Variants in MITF observed in about 807,000 individuals in gnomAD.
MITF encodes the protein melanocyte inducing transcription factor, also known as microphthalmia-associated transcription factor.
In MITF, 17 loss-of-function variants were observed where a neutral mutation model predicts 60.5. The observed-to-expected ratio is 0.28, with a 90% CI of 0.19 to 0.42. The LOEUF (loss-of-function observed/expected upper bound fraction) is 0.42, where lower values mean the gene tolerates loss of function less well. Among genes scored for constraint, MITF ranks in the 10% least tolerant of loss-of-function variants. The probability of loss-of-function intolerance (pLI) is 1.00; values close to 1 mark genes in which losing one functional copy is unlikely to be tolerated. For synonymous variants in MITF, 260 were observed against 248.5 expected (o/e 1.05, Z -0.43); for missense variants, 622 against 683.5 (o/e 0.91, Z 1.00).
At chr3:69,778,703 T>C (rs182706562) in intron 1 of MITF, 1 of 152,340 alleles carries the variant, frequency 6.6e-6, no homozygotes, top group Non-Finnish European at 1.5e-5. Context: ...TTTGACTATA[T>C]TTTTCTTAGA....
At chr3:69,944,707 A>C (rs1316043406) in intron 5 of MITF, among the ~76,000 whole-genome samples, 2 of 152,006 alleles carry the variant, frequency 1.3e-5, no homozygotes, top group Non-Finnish European at 2.9e-5. Flanking sequence ...TAAAATGGGG[A>C]TCATAATAGC....
At chr3:69,911,409 C>G (rs1401049357) in intron 2 of MITF, among the ~76,000 whole-genome samples, 3 of 152,166 alleles carry the variant, frequency 2.0e-5, no homozygotes, top group African/African-American at 7.2e-5. Context: ...CTCAAGCAAT[C>G]CTCCTGCCTC....
At chr3:69,902,343 C>G (rs28545381) in intron 2 of MITF, among the ~76,000 whole-genome samples, 2,483 of 152,156 alleles carry the variant, frequency 0.016, 69 homozygotes, top group African/African-American at 0.055. Context: ...ATACTTGAAG[C>G]TTGCTTTGAA....
At chr3:69,746,759 G>C (rs1703741731) in intron 1 of MITF, among the ~76,000 whole-genome samples, 1 of 152,158 alleles carries the variant, frequency 6.6e-6, no homozygotes, top group Non-Finnish European at 1.5e-5. Context: ...TCCGAGGATA[G>C]GAATTATACC....
In MITF at chr3:69,739,619, G is replaced by C; in HGVS notation, c.22G>C (p.Val8Leu). 6.3e-7 allele frequency: 1 copy of C among 1,580,308 alleles called. No individual in the cohort carries two copies. Among genetic ancestry groups the C allele is most frequent in the South Asian group, 1.2e-5 (1 of 86,354 alleles). Residue 8 changes from valine (V) to leucine (L), a missense_variant, in exon 1 of 10, where the codon GTG becomes CTG. Physicochemically the swap from Val to Leu is conservative, Grantham distance 32. This residue lies in a region of MITF where 149 missense variants were observed against 157.8 expected (regional missense o/e 0.94). Coordinates refer to ENST00000352241, the MANE Select transcript of MITF (RefSeq NM_001354604.2). The stretch of plus-strand genomic sequence containing the variant: ...AGCCATGCAGTCCGAATCGGGGATC[G>C]TGCCGGATTTCGAAGTCGGGGAGGA... Reference protein sequence around the residue: MQSESGIVPDFEVGEEFH... With the variant: MQSESGILPDFEVGEEFH...
chr3:69,812,003 A>G (rs999031387), intron 1 of MITF, among the ~76,000 whole-genome samples: 1 of 152,160 alleles, frequency 6.6e-6, no homozygotes, highest in Non-Finnish European at 1.5e-5. Flanking sequence ...CTGTTTCCTT[A>G]TCATTCCTCC....
At chr3:69,868,923 A>G (rs2064169496) in intron 1 of MITF, among the ~76,000 whole-genome samples, 1 of 150,624 alleles carries the variant, frequency 6.6e-6, no homozygotes, top group African/African-American at 2.5e-5. Context: ...AAAGACAGCT[A>G]TTTGGTGGAG....
chr3:69,774,970 C>T (rs2062450773), intron 1 of MITF, among the ~76,000 whole-genome samples: 1 of 152,152 alleles, frequency 6.6e-6, no homozygotes. Flanking sequence ...AGTTATTTTA[C>T]ACCTCAGGCC....
chr3:69,886,705 A>G (rs1400153851), intron 2 of MITF, among the ~76,000 whole-genome samples: 2 of 152,100 alleles, frequency 1.3e-5, no homozygotes, highest in Non-Finnish European at 2.9e-5. Context: ...TCTCCACAAT[A>G]TGCCAGATGA....
chr3:69,835,883 G>A (rs2063532663), intron 1 of MITF, among the ~76,000 whole-genome samples: 1 of 152,054 alleles, frequency 6.6e-6, no homozygotes, highest in African/African-American at 2.4e-5. Context: ...CTATAATTTT[G>A]TAGTATATTT....
At chr3:69,936,216 C>T (rs2065830797) in intron 2 of MITF, among the ~76,000 whole-genome samples, 1 of 152,138 alleles carries the variant, frequency 6.6e-6, no homozygotes, top group Non-Finnish European at 1.5e-5. Flanking sequence ...TCGGAAGTGG[C>T]AGTTATTCGG....
chr3:69,758,933 G>T (rs561959921), intron 1 of MITF, among the ~76,000 whole-genome samples: 1 of 152,318 alleles, frequency 6.6e-6, no homozygotes, highest in South Asian at 2.1e-4. Context: ...GATTATAGAA[G>T]ATAATATGTA....
chr3:69,928,612 A>G (rs1367106988), intron 2 of MITF, among the ~76,000 whole-genome samples: 1 of 152,236 alleles, frequency 6.6e-6, no homozygotes, highest in Non-Finnish European at 1.5e-5. Flanking sequence ...TTGCTGGCCC[A>G]GTAGGAGTGC....
chr3:69,888,507 T>C (rs1443890780), intron 2 of MITF, among the ~76,000 whole-genome samples: 1 of 151,748 alleles, frequency 6.6e-6, no homozygotes, highest in African/African-American at 2.4e-5. Flanking sequence ...TTTTACCTCC[T>C]GGGAAATAAG....
intron 9 of MITF, among the ~76,000 whole-genome samples, chr3:69,963,996 G>A (rs959468534): frequency 3.9e-5 from 2 of 51,552 alleles, no homozygotes; most frequent in Non-Finnish European, 7.2e-5. Flanking sequence ...TTTTTTTTGA[G>A]ATGGTCTTTC....
intron 2 of MITF, among the ~76,000 whole-genome samples, chr3:69,920,776 CG>C (rs978217516): frequency 6.6e-6 from 1 of 152,162 alleles, no homozygotes; most frequent in African/African-American, 2.4e-5. Context: ...AGTGGTTCCC[CG>C]GGCCCAGCTG....
intron 1 of MITF, among the ~76,000 whole-genome samples, chr3:69,749,507 G>A (rs1703850156): frequency 6.6e-6 from 1 of 152,182 alleles, no homozygotes; most frequent in Non-Finnish European, 1.5e-5. Context: ...GGCAGAGAGT[G>A]CCTAGAATAA....
At chr3:69,890,703 A>G (rs1313959353) in intron 2 of MITF, among the ~76,000 whole-genome samples, 1 of 152,126 alleles carries the variant, frequency 6.6e-6, no homozygotes, top group Non-Finnish European at 1.5e-5. Context: ...TTCTTTAGTA[A>G]TTCATTAGAT....
chr3:69,921,141 G>A (rs1328655955), intron 2 of MITF, among the ~76,000 whole-genome samples: 1 of 152,176 alleles, frequency 6.6e-6, no homozygotes, highest in Non-Finnish European at 1.5e-5. Flanking sequence ...CAAAGTGCTG[G>A]GATTACAGGC....
Sources: gnomAD v4.1 joint callset for allele counts (sites outside exome capture counted in the v4.1 genomes callset) on GRCh38, gnomAD v4.1.1 for gene constraint, gnomAD v4.1.1 regional missense constraint, MANE v1.5 for transcripts, NCBI Gene and HGNC (gene_info 2026-07-23, HGNC 2026-07-21) for gene names.